Variants in MON1A observed in about 807,000 individuals in gnomAD.
The protein encoded by MON1A is vacuolar fusion protein MON1 homolog A.
Under a neutral mutation model 44.6 loss-of-function variants are expected in MON1A, and 29 were observed. That is an observed-to-expected ratio of 0.65 (90% CI 0.48 to 0.89). The LOEUF is 0.89. MON1A is among the 40% of genes least tolerant of loss of function. The pLI is 0.00. For missense variants in MON1A, 615 were observed against 759.6 expected, an observed-to-expected ratio of 0.81 and a Z score of 2.24; for synonymous variants, 275 against 316.4, an observed-to-expected ratio of 0.87 and a Z score of 1.39.
In MON1A at chr3:49,929,610, T is replaced by C; in HGVS notation, c.-15A>G. ...CACGTGGGCTGGCAGTCAACTCACC[T>C]GTTTCTCAGAGGAGTCCAGGACGCA... On this transcript the variant is annotated splice_region_variant and 5_prime_UTR_variant, in exon 1 of 6. Coordinates refer to ENST00000296473, the MANE Select transcript of MON1A (RefSeq NM_032355.4). The C allele has an allele frequency of 2.6e-6, 4 of 1,551,528 alleles. No individual in the cohort carries two copies. The highest frequency in any genetic ancestry group is 3.5e-6 in the Non-Finnish European group (4 of 1,146,920).
chr3:49,920,853 C>A (rs568810625), intron 1 of MON1A, among the ~76,000 whole-genome samples: 1 of 145,770 alleles, frequency 6.9e-6, no homozygotes, highest in Non-Finnish European at 1.5e-5. Flanking sequence ...AAAAAAAGGT[C>A]ATCTCCTTAA....
In MON1A at chr3:49,910,695, A is replaced by C. The variant is rs1455643711; in HGVS notation, c.803T>G (p.Leu268Arg). The C allele has an allele frequency of 6.2e-7, 1 of 1,612,866 alleles. No individual in the cohort carries two copies. The highest frequency in any genetic ancestry group is 1.1e-5 in the South Asian group (1 of 90,780). Residue 268 changes from leucine (L) to arginine (R), a missense_variant, in exon 4 of 6, where the codon CTC (leucine) becomes CGC (arginine). Leu to Arg is a moderately radical substitution (Grantham distance 102). Transcript: ENST00000296473. The surrounding 1 kb of genome is among the most constrained non-coding windows in gnomAD (Gnocchi z 8.0). ...GTCGGTGATGCGCTCTGAGCCCGAG[A>C]GTAGGCGCCGCAAATCATAGTTCTG... Reference protein sequence around the residue: ...QKQNYDLRRLLSGSERITDNL... With the variant: ...QKQNYDLRRLRSGSERITDNL...
intron 1 of MON1A, among the ~76,000 whole-genome samples, chr3:49,926,695 G>A (rs1210283243): frequency 6.6e-6 from 1 of 152,004 alleles, no homozygotes; most frequent in African/African-American, 2.4e-5. Context: ...CTCCTGAACT[G>A]AAGATCCTCC....
chr3:49,918,417 C>CT (rs530137835), intron 1 of MON1A, among the ~76,000 whole-genome samples: 86 of 145,694 alleles, frequency 5.9e-4, no homozygotes, highest in Middle Eastern at 3.5e-3. Context: ...GGCCTTCCCT[C>CT]TTTTTTTTTT....
chr3:49,910,523 G>A lies in MON1A; in HGVS notation c.975C>T (p.Ala325=). The change falls in exon 4 of 6, where the codon GCC becomes GCT. Residue 325 remains alanine, a synonymous_variant. Coordinates refer to ENST00000296473, the MANE Select transcript of MON1A (RefSeq NM_032355.4). The surrounding 1 kb of genome is among the most constrained non-coding windows in gnomAD (Gnocchi z 8.0). Reference sequence around the variant, plus strand: ...GCACGAGTGCCACGAGCTGGTTGCGGGCCAGCAGGATGGAGAAGACCAGGC... The same window carrying A: ...GCACGAGTGCCACGAGCTGGTTGCGAGCCAGCAGGATGGAGAAGACCAGGC... ...ARSLVFSILL[A]RNQLVALVRR... The A allele has an allele frequency of 6.2e-7, 1 of 1,613,816 alleles. No individual in the cohort carries two copies. Among genetic ancestry groups the A allele is most frequent in the Non-Finnish European group, 8.5e-7 (1 of 1,179,888 alleles).
chr3:49,929,267 G>T (rs1263737581), intron 1 of MON1A: 5 of 383,470 alleles, frequency 1.3e-5, no homozygotes, highest in South Asian at 1.3e-4. Flanking sequence ...GTGCTGCCCC[G>T]CTCATCCCAG....
At chr3:49,922,852 C>CA (rs1250007804) in intron 1 of MON1A, among the ~76,000 whole-genome samples, 1 of 151,680 alleles carries the variant, frequency 6.6e-6, no homozygotes, top group Non-Finnish European at 1.5e-5. Flanking sequence ...GCTGGGACTA[C>CA]AGGCGTGTGC....
intron 2 of MON1A, 57 bp downstream of exon 2, chr3:49,913,163 T>A (rs2082906477): frequency 6.2e-7 from 1 of 1,612,514 alleles, no homozygotes; most frequent in Non-Finnish European, 8.5e-7. Flanking sequence ...GGAATCCTAA[T>A]TCCCCCTGGA....
chr3:49,926,843 A>G (rs2083056157), intron 1 of MON1A, among the ~76,000 whole-genome samples: 1 of 150,552 alleles, frequency 6.6e-6, no homozygotes, highest in South Asian at 2.1e-4. Flanking sequence ...CAGTGGCATG[A>G]TCTTGGCTCA....
rs2082855662 is a variant in MON1A, at chr3:49,910,098, G to A, written c.1379+21C>T. ...CATGTCCCTGTCCCGCTACAGCAGT[G>A]CCCTCAAGGCCCTCCCTCACCTGGT... is the stretch of plus-strand genomic sequence containing the variant. On this transcript the variant is annotated intron_variant, in intron 4 of 5. Coordinates refer to ENST00000296473, the MANE Select transcript of MON1A (RefSeq NM_032355.4). This position sits in a 1 kb window ranked among gnomAD's most constrained non-coding sequence, Gnocchi z 8.0. 1 of 1,558,228 alleles carries A rather than the reference G, an allele frequency of 6.4e-7. No homozygotes were observed. The highest frequency in any genetic ancestry group is 2.3e-5 in the East Asian group (1 of 44,306).
At position 49,910,630 on chromosome 3, in the gene MON1A, T is replaced by A; in HGVS notation, c.868A>T (p.Met290Leu). 1 of 1,603,340 alleles carries A rather than the reference T, an allele frequency of 6.2e-7. No homozygotes were observed. Among genetic ancestry groups the A allele is most frequent in the Non-Finnish European group, 8.5e-7 (1 of 1,173,686 alleles). ...QLMARDPSFLMGAARCLPLAA... is the reference protein window; with the variant it reads ...QLMARDPSFLLGAARCLPLAA... ...AGGGGCAGGCACCGTGCCGCCCCCA[T>A]CAGGAAGCTGGGGTCTCGTGCCATG... The change falls in exon 4 of 6, where the codon ATG becomes TTG. Residue 290 changes from methionine (M) to leucine (L), a missense_variant. Coordinates refer to ENST00000296473, the MANE Select transcript of MON1A (RefSeq NM_032355.4). This position sits in a 1 kb window ranked among gnomAD's most constrained non-coding sequence, Gnocchi z 8.0.
intron 1 of MON1A, among the ~76,000 whole-genome samples, chr3:49,918,286 G>C (rs1037516082): frequency 6.6e-6 from 1 of 151,688 alleles, no homozygotes; most frequent in African/African-American, 2.4e-5. Context: ...GCAGTGAGCC[G>C]AGATCATGCC....
At chr3:49,920,243 C>T (rs1372084638) in intron 1 of MON1A, among the ~76,000 whole-genome samples, 1 of 152,110 alleles carries the variant, frequency 6.6e-6, no homozygotes, top group Non-Finnish European at 1.5e-5. Context: ...ACATTTTCTC[C>T]TCTTTTATGG....
intron 2 of MON1A, among the ~76,000 whole-genome samples, chr3:49,912,229 G>A (rs2082894943): frequency 6.6e-6 from 1 of 152,104 alleles, no homozygotes; most frequent in African/African-American, 2.4e-5. Flanking sequence ...AACCACTCAT[G>A]GCAGCAGTGG....
At position 49,929,646 on chromosome 3, in the gene MON1A, C is replaced by G. The variant is rs1228618575; in HGVS notation, c.-51G>C. On this transcript the variant is annotated 5_prime_UTR_variant, in exon 1 of 6. Coordinates refer to ENST00000296473, the MANE Select transcript of MON1A (RefSeq NM_032355.4). Reference sequence around the variant, plus strand: ...GGAGTCCAGGACGCACAGAAGGTGCCGGTCACTGCCCTCTGCCGGACCCAT... The same window carrying G: ...GGAGTCCAGGACGCACAGAAGGTGCGGGTCACTGCCCTCTGCCGGACCCAT... 4 of 1,551,452 alleles carry G rather than the reference C, an allele frequency of 2.6e-6. No individual in the cohort carries two copies. The highest frequency in any genetic ancestry group is 2.0e-5 in the Admixed American group (1 of 51,004).
At chr3:49,913,066 T>C (rs1263589022) in intron 2 of MON1A, 154 bp downstream of exon 2, 1 of 993,108 alleles carries the variant, frequency 1.0e-6, no homozygotes, top group Admixed American at 1.9e-5. Flanking sequence ...AGAATGAGCC[T>C]GGCCTCCTGC....
At position 49,911,818 on chromosome 3, in the gene MON1A, G is replaced by A. The variant is rs2082889758; in HGVS notation, c.321C>T (p.Asp107=). The A allele has an allele frequency of 3.7e-6, 6 of 1,613,992 alleles. No individual in the cohort carries two copies. Among genetic ancestry groups the A allele is most frequent in the Non-Finnish European group, 4.2e-6 (5 of 1,179,984 alleles). The change falls in exon 3 of 6, where the codon GAC becomes GAT. Residue 107 remains aspartate (D), a synonymous_variant. Transcript: ENST00000296473. The surrounding 1 kb of genome is among the most constrained non-coding windows in gnomAD (Gnocchi z 5.7). ...LSTQLTGVAR[D]LQEEMLPGSS... Reference sequence around the variant, plus strand: ...TTCCTGGCAGCATCTCCTCCTGCAGGTCCCGGGCCACACCCGTCAGCTGGG... The same window carrying A: ...TTCCTGGCAGCATCTCCTCCTGCAGATCCCGGGCCACACCCGTCAGCTGGG...
Position 49,911,763 on chromosome 3 carries a change from C to G in MON1A, c.376G>C (p.Ala126Pro). The change falls in exon 3 of 6, where the codon GCA becomes CCA. Residue 126 changes from alanine (A) to proline (P), a missense_variant. By Grantham distance (27) the Ala-to-Pro change is conservative. Transcript: ENST00000296473. This position sits in a 1 kb window ranked among gnomAD's most constrained non-coding sequence, Gnocchi z 5.7. ...GGCTCTGTGGCTGGTCGCCCAACTG[C>G]CCCTGGGGGTTCCAGCCAATCCTCA... ...SSEDWLEPPG[A>P]VGRPATEPPR... 6.2e-7 allele frequency: 1 copy of G among 1,613,424 alleles called. No individual in the cohort carries two copies. Among genetic ancestry groups the G allele is most frequent in the Non-Finnish European group, 8.5e-7 (1 of 1,179,762 alleles).
chr3:49,927,538 T>C (rs1222665680), intron 1 of MON1A, among the ~76,000 whole-genome samples: 1 of 152,152 alleles, frequency 6.6e-6, no homozygotes, highest in Non-Finnish European at 1.5e-5. Context: ...AATACGCTTC[T>C]GACCTTGCAA....
Sources: gnomAD v4.1 joint callset for allele counts (sites outside exome capture counted in the v4.1 genomes callset) on GRCh38, gnomAD v4.1.1 for gene constraint, Gnocchi (gnomAD v3.1) non-coding constraint, MANE v1.5 for transcripts, NCBI Gene and HGNC (gene_info 2026-07-23, HGNC 2026-07-21) for gene names.